The following GRIP1 variants were observed in gnomAD, a reference collection of about 807,000 sequenced individuals.
The protein encoded by GRIP1 is glutamate receptor interacting protein 1, also known as glutamate receptor-interacting protein 1.
In GRIP1, 45 loss-of-function variants were observed where a neutral mutation model predicts 129.9. The ratio of observed to expected loss-of-function variants is 0.35; its 90% CI spans 0.27 to 0.44. GRIP1 has a LOEUF of 0.44. GRIP1 is among the 20% of genes least tolerant of loss of function. The probability of loss-of-function intolerance (pLI) is 1.00; values close to 1 mark genes in which losing one functional copy is unlikely to be tolerated. For missense variants in GRIP1, 1,196 were observed against 1,396.8 expected, an observed-to-expected ratio of 0.86 and a Z score of 2.29; for synonymous variants, 530 against 520.8, an observed-to-expected ratio of 1.02 and a Z score of -0.24.
chr12:66,835,295 C>T (rs1278997172), intron 1 of GRIP1, among the ~76,000 whole-genome samples: 1 of 152,130 alleles, frequency 6.6e-6, no homozygotes, highest in Non-Finnish European at 1.5e-5. Flanking sequence ...ACTAAACATA[C>T]TCTTACCATT....
intron 24 of GRIP1, among the ~76,000 whole-genome samples, chr12:66,352,356 C>T (rs1192158467): frequency 6.6e-6 from 1 of 152,090 alleles, no homozygotes; most frequent in Non-Finnish European, 1.5e-5. Context: ...AGAGAAGCGC[C>T]ACAAGCTCAG....
At chr12:67,052,157 A>G (rs1221765399) in intron 1 of GRIP1, among the ~76,000 whole-genome samples, 1 of 152,192 alleles carries the variant, frequency 6.6e-6, no homozygotes, top group African/African-American at 2.4e-5. Flanking sequence ...TATATTCATA[A>G]TCATTTTTTC....
At chr12:66,955,375 A>C (rs1195411489) in intron 1 of GRIP1, among the ~76,000 whole-genome samples, 5 of 151,978 alleles carry the variant, frequency 3.3e-5, no homozygotes, top group African/African-American at 4.8e-5. Flanking sequence ...TATCTCTAAA[A>C]CTCCATATTC....
intron 1 of GRIP1, among the ~76,000 whole-genome samples, chr12:66,641,846 C>T (rs143735309): frequency 1.3e-5 from 2 of 152,284 alleles, no homozygotes; most frequent in Admixed American, 1.3e-4. Context: ...TCCTACTGAA[C>T]ATATGCGAAG....
chr12:66,878,205 C>G (rs964859941), intron 1 of GRIP1, among the ~76,000 whole-genome samples: 1 of 152,074 alleles, frequency 6.6e-6, no homozygotes, highest in Middle Eastern at 3.4e-3. Context: ...TTCCTACACT[C>G]CATGTTCCTG....
chr12:66,561,687 T>C lies in GRIP1; in HGVS notation c.137-19737A>G, dbSNP rs187315411. On this transcript the variant is annotated intron_variant, in intron 2 of 24. Transcript: ENST00000359742. Reference sequence around the variant, plus strand: ...GTCACTAAATCCTTGTGTGCCCTAATCTCTGAACTGTAAAATGAGAGAACT... The same window carrying C: ...GTCACTAAATCCTTGTGTGCCCTAACCTCTGAACTGTAAAATGAGAGAACT... 2.2e-4 allele frequency among the ~76,000 whole-genome samples: 34 copies of C among 152,222 alleles called. No homozygotes were observed. The East Asian group carries it at 5.8e-3, about 26-fold the overall frequency.
At chr12:66,572,667 G>T (rs1215258356) in intron 2 of GRIP1, among the ~76,000 whole-genome samples, 1 of 152,152 alleles carries the variant, frequency 6.6e-6, no homozygotes, top group African/African-American at 2.4e-5. Context: ...GAGCTATCTG[G>T]CTCAACGCCT....
At chr12:66,537,821 A>G (rs924581235) in intron 4 of GRIP1, among the ~76,000 whole-genome samples, 3 of 152,192 alleles carry the variant, frequency 2.0e-5, no homozygotes, top group Non-Finnish European at 2.9e-5. Flanking sequence ...AAATACTAAG[A>G]AAGTTGGCTT....
At chr12:66,375,862 T>C (rs2055761786) in intron 22 of GRIP1, among the ~76,000 whole-genome samples, 1 of 152,228 alleles carries the variant, frequency 6.6e-6, no homozygotes, top group Admixed American at 6.5e-5. Flanking sequence ...AAGGGAAATA[T>C]CAAAATGCAC....
intron 1 of GRIP1, among the ~76,000 whole-genome samples, chr12:67,048,893 G>A (rs972310063): frequency 1.3e-5 from 2 of 152,162 alleles, no homozygotes; most frequent in Admixed American, 6.5e-5. Context: ...ACGTGGAACT[G>A]TAACTCCATT....
chr12:66,453,517 G>T (rs2058868207), intron 11 of GRIP1, among the ~76,000 whole-genome samples: 1 of 152,172 alleles, frequency 6.6e-6, no homozygotes, highest in African/African-American at 2.4e-5. Context: ...ATTGAACTTT[G>T]AGAGCACTGT....
At chr12:66,958,825 A>C (rs1406637789) in intron 1 of GRIP1, among the ~76,000 whole-genome samples, 1 of 152,192 alleles carries the variant, frequency 6.6e-6, no homozygotes, top group Non-Finnish European at 1.5e-5. Context: ...ATAAATTGCT[A>C]GAATGGGAAA....
intron 11 of GRIP1, among the ~76,000 whole-genome samples, chr12:66,451,883 A>ACTTATAAAAG (rs2058818424): frequency 2.0e-5 from 3 of 152,148 alleles, no homozygotes; most frequent in Admixed American, 2.0e-4. Context: ...CTGAATGGTC[A>ACTTATAAAAG]CTTATAAAAG....
intron 1 of GRIP1, among the ~76,000 whole-genome samples, chr12:66,951,344 G>A (rs1210377936): frequency 6.6e-6 from 1 of 152,154 alleles, no homozygotes; most frequent in Non-Finnish European, 1.5e-5. Flanking sequence ...AGTATGGGCT[G>A]GGGAATGAGA....
At chr12:66,845,715 T>G (rs905422959) in intron 1 of GRIP1, among the ~76,000 whole-genome samples, 5 of 152,182 alleles carry the variant, frequency 3.3e-5, no homozygotes, top group African/African-American at 1.2e-4. Flanking sequence ...ACATTAATAC[T>G]CTTTATACTA....
At chr12:66,503,973 C>CAAAA (rs1026947200) in intron 7 of GRIP1, among the ~76,000 whole-genome samples, 5 of 152,094 alleles carry the variant, frequency 3.3e-5, no homozygotes, top group African/African-American at 1.2e-4. Context: ...CTGGCTAAAA[C>CAAAA]AAAAAGGTCA....
chr12:66,865,558 TCAA>T (rs961266585), intron 1 of GRIP1, among the ~76,000 whole-genome samples: 1 of 151,720 alleles, frequency 6.6e-6, no homozygotes, highest in Non-Finnish European at 1.5e-5. Context: ...TTTTAAAAGG[TCAA>T]CAACACATTC....
chr12:66,409,105 A>T (rs2057297881), intron 15 of GRIP1, among the ~76,000 whole-genome samples: 2 of 152,150 alleles, frequency 1.3e-5, no homozygotes, highest in Admixed American at 1.3e-4. Context: ...CACTGCCCTG[A>T]AAAGAAGGAT....
intron 13 of GRIP1, among the ~76,000 whole-genome samples, chr12:66,439,650 G>A (rs1222865130): frequency 6.6e-5 from 10 of 152,132 alleles, no homozygotes; most frequent in Admixed American, 3.3e-4. Flanking sequence ...TTCCATTGCT[G>A]TTATAAGAAT....
Sources: gnomAD v4.1 joint callset for allele counts (sites outside exome capture counted in the v4.1 genomes callset) on GRCh38, gnomAD v4.1.1 for gene constraint, MANE v1.5 for transcripts, NCBI Gene and HGNC (gene_info 2026-07-23, HGNC 2026-07-21) for gene names.